The following CFDP1 variants were observed in gnomAD, a reference collection of about 807,000 sequenced individuals.
CFDP1 encodes chromatin remodeling protein CFDP1.
In CFDP1, 31 loss-of-function variants were observed where a neutral mutation model predicts 40.1. The observed-to-expected ratio is 0.77, with a 90% CI of 0.58 to 1.04. The LOEUF (loss-of-function observed/expected upper bound fraction) is 1.04. CFDP1 is among the 50% of genes least tolerant of loss of function. CFDP1 has a pLI of 0.00. For missense variants in CFDP1, 423 were observed against 343.4 expected (o/e 1.23, Z -1.83); for synonymous variants, 167 against 120.0 (o/e 1.39, Z -2.56).
intron 5 of CFDP1, among the ~76,000 whole-genome samples, chr16:75,376,687 A>G (rs2078800786): frequency 6.6e-6 from 1 of 152,198 alleles, no homozygotes; most frequent in Admixed American, 6.5e-5. Context: ...TAGGCAGGAC[A>G]GGATTCCAGA....
chr16:75,408,134 G>A (rs2079119942), intron 4 of CFDP1, among the ~76,000 whole-genome samples: 1 of 151,548 alleles, frequency 6.6e-6, no homozygotes, highest in Non-Finnish European at 1.5e-5. Context: ...AAGGGAGAGA[G>A]GGAGGGAGGG....
At chr16:75,346,840 C>A (rs1470638199) in intron 5 of CFDP1, among the ~76,000 whole-genome samples, 1 of 151,712 alleles carries the variant, frequency 6.6e-6, no homozygotes, top group African/African-American at 2.4e-5. Flanking sequence ...AATCAAAACT[C>A]GAAAATCTAG....
At chr16:75,412,136 A>G (rs2079168782) in intron 3 of CFDP1, among the ~76,000 whole-genome samples, 184 bp from the exon 4 acceptor site, 1 of 152,130 alleles carries the variant, frequency 6.6e-6, no homozygotes, top group Non-Finnish European at 1.5e-5. Flanking sequence ...TCCTTGCTTC[A>G]GCGTCCAAAG....
rs576673444 is a variant in CFDP1, at chr16:75,374,543, A to G, written c.650+20547T>C. Among the ~76,000 whole-genome samples the G allele has an allele frequency of 1.6e-3, 250 of 152,040 alleles. 1 individual carries two copies. Among genetic ancestry groups the G allele is most frequent in the Admixed American group, 9.6e-3 (146 of 15,264 alleles). ...CAAATAGAAATAAAATGGGCGGGGC[A>G]TAGTGGCTCACACCTGTAGTCCCAG... is the stretch of plus-strand genomic sequence containing the variant. On this transcript the variant is annotated intron_variant, in intron 5 of 6. Coordinates refer to ENST00000283882, the MANE Select transcript of CFDP1 (RefSeq NM_006324.3).
chr16:75,393,773 A>ATT (rs1567669532), intron 5 of CFDP1, among the ~76,000 whole-genome samples: 2 of 92,580 alleles, frequency 2.2e-5, no homozygotes, highest in African/African-American at 4.1e-5. Context: ...AAAAAAAAAA[A>ATT]GTGGGGCCGG....
chr16:75,382,387 T>C (rs1567664393), intron 5 of CFDP1, among the ~76,000 whole-genome samples: 1 of 152,216 alleles, frequency 6.6e-6, no homozygotes, highest in Non-Finnish European at 1.5e-5. Context: ...AAAAAATATA[T>C]TCTATAAAGA....
chr16:75,405,531 T>C (rs929815338), intron 4 of CFDP1, among the ~76,000 whole-genome samples: 5 of 152,020 alleles, frequency 3.3e-5, no homozygotes, highest in Middle Eastern at 3.4e-3. Context: ...GCAGATCATA[T>C]GAGGTCAGGA....
chr16:75,393,364 G>A (rs2151562084), intron 5 of CFDP1, among the ~76,000 whole-genome samples: 1 of 152,202 alleles, frequency 6.6e-6, no homozygotes, highest in South Asian at 2.1e-4. Flanking sequence ...GTCTATTTCT[G>A]GGTAAATGCA....
chr16:75,339,532 G>T (rs1245731965), intron 5 of CFDP1, among the ~76,000 whole-genome samples: 4 of 152,222 alleles, frequency 2.6e-5, no homozygotes, highest in Non-Finnish European at 2.9e-5. Flanking sequence ...TGGCTGTCTA[G>T]ATCCTCGGTG....
At chr16:75,312,023 G>A (rs916668727) in intron 5 of CFDP1, among the ~76,000 whole-genome samples, 6 of 152,160 alleles carry the variant, frequency 3.9e-5, no homozygotes, top group Middle Eastern at 3.2e-3. Flanking sequence ...ATAATTCTTC[G>A]TTGAGGGCTG....
intron 4 of CFDP1, among the ~76,000 whole-genome samples, chr16:75,398,107 C>T (rs2079013017): frequency 6.6e-6 from 1 of 152,202 alleles, no homozygotes; most frequent in South Asian, 2.1e-4. Flanking sequence ...CTAAATCACT[C>T]AATCTCAGAT....
intron 5 of CFDP1, among the ~76,000 whole-genome samples, chr16:75,363,826 T>C (rs1442866387): frequency 1.3e-5 from 2 of 152,110 alleles, no homozygotes; most frequent in African/African-American, 2.4e-5. Context: ...ATTCATTCAA[T>C]AAATATTTAC....
At chr16:75,417,601 T>C (rs1365164554) in intron 1 of CFDP1, among the ~76,000 whole-genome samples, 1 of 152,136 alleles carries the variant, frequency 6.6e-6, no homozygotes, top group Non-Finnish European at 1.5e-5. Context: ...TGAAAACAGC[T>C]CCTTATAAGG....
intron 5 of CFDP1, among the ~76,000 whole-genome samples, chr16:75,316,351 T>G (rs1038060834): frequency 3.3e-5 from 5 of 152,172 alleles, no homozygotes; most frequent in African/African-American, 1.2e-4. Flanking sequence ...TATGCCTCAC[T>G]CTATAACGTC....
intron 5 of CFDP1, among the ~76,000 whole-genome samples, chr16:75,313,077 C>A (rs1862706): frequency 0.32 from 48,018 of 152,102 alleles, 8,851 homozygotes; most frequent in East Asian, 0.54. Context: ...TATTGTTCCA[C>A]TGCAACCAGC....
At chr16:75,303,508 C>CCCCG in intron 6 of CFDP1, among the ~76,000 whole-genome samples, 2 of 146,246 alleles carry the variant, frequency 1.4e-5, no homozygotes, top group South Asian at 4.7e-4. Flanking sequence ...ATATGACCCC[C>CCCCG]CCCAATAAAT....
intron 1 of CFDP1, among the ~76,000 whole-genome samples, chr16:75,423,247 C>T (rs372672389): frequency 1.1e-4 from 16 of 143,396 alleles, no homozygotes; most frequent in African/African-American, 2.6e-4. Context: ...TGCCACTGCA[C>T]GCCAGCCTGG....
chr16:75,295,453 A>G (rs1175151878), intron 6 of CFDP1, among the ~76,000 whole-genome samples: 1 of 152,240 alleles, frequency 6.6e-6, no homozygotes, highest in East Asian at 1.9e-4. Flanking sequence ...GGATTAAATA[A>G]AATAGTGTCT....
At chr16:75,318,650 C>A (rs577675041) in intron 5 of CFDP1, among the ~76,000 whole-genome samples, 29 of 152,046 alleles carry the variant, frequency 1.9e-4, no homozygotes, top group Non-Finnish European at 3.4e-4. Flanking sequence ...GTGATCCGCC[C>A]GCCTTGGCCT....
Sources: gnomAD v4.1 joint callset for allele counts (sites outside exome capture counted in the v4.1 genomes callset) on GRCh38, gnomAD v4.1.1 for gene constraint, MANE v1.5 for transcripts, NCBI Gene and HGNC (gene_info 2026-07-23, HGNC 2026-07-21) for gene names.